Variants in CPN1 observed in about 807,000 individuals in gnomAD.
The protein encoded by CPN1 is carboxypeptidase N subunit 1.
Under a neutral mutation model 46.4 loss-of-function variants are expected in CPN1, and 37 were observed. The ratio of observed to expected loss-of-function variants is 0.80; its 90% CI spans 0.61 to 1.05. The LOEUF (loss-of-function observed/expected upper bound fraction) is 1.05, where lower values mean the gene tolerates loss of function less well. Ranked by LOEUF, CPN1 falls within the 50% of genes least tolerant of loss-of-function variation. CPN1 has a pLI of 0.00. For missense variants in CPN1, 563 were observed against 602.6 expected (o/e 0.93, Z 0.69); for synonymous variants, 224 against 235.4 (o/e 0.95, Z 0.44).
intron 7 of CPN1, among the ~76,000 whole-genome samples, chr10:100,050,825 T>TCAC (rs2041347622): frequency 6.6e-6 from 1 of 152,094 alleles, no homozygotes; most frequent in South Asian, 2.1e-4. Flanking sequence ...GAGATGGAGG[T>TCAC]CTTGCTATGT....
At position 100,065,381 on chromosome 10, in the gene CPN1, G is replaced by C. The variant is rs758036928; in HGVS notation, c.577-11C>G. Reference sequence around the variant, plus strand: ...GGTCTCGGGTTCCACCTGGGAGGAGGCGAGAGGTTGGCGGTGAAGGGCCAA... The same window carrying C: ...GGTCTCGGGTTCCACCTGGGAGGAGCCGAGAGGTTGGCGGTGAAGGGCCAA... On this transcript the variant is annotated splice_polypyrimidine_tract_variant and intron_variant, in intron 3 of 8. Coordinates refer to ENST00000370418, the MANE Select transcript of CPN1 (RefSeq NM_001308.3). The C allele has an allele frequency of 3.0e-5, 48 of 1,613,998 alleles. No individual in the cohort carries two copies. The highest frequency in any genetic ancestry group is 4.1e-5 in the Non-Finnish European group (48 of 1,180,016).
chr10:100,046,255 G>GC (rs2041311083), intron 8 of CPN1, among the ~76,000 whole-genome samples: 1 of 152,218 alleles, frequency 6.6e-6, no homozygotes, highest in Non-Finnish European at 1.5e-5. Context: ...AAGAATGCAA[G>GC]CCCGCTGCCT....
rs752085352 is a variant in CPN1 at position 100,075,984 on chromosome 10, T to G, written c.347A>C (p.Gln116Pro). The G allele has an allele frequency of 1.2e-6, 2 of 1,614,188 alleles. No homozygotes were observed. The highest frequency in any genetic ancestry group is 1.7e-6 in the Non-Finnish European group (2 of 1,180,044). Residue 116 changes from glutamine to proline, a missense_variant, in exon 2 of 9, where the codon CAG becomes CCG. By Grantham distance (76) the Gln-to-Pro change is moderately conservative (BLOSUM62 -1). Transcript: ENST00000370418. ...GTGAATGCGCGTGTCCTGGATGAGCTGGACGATGCGCTGGTTCCTGTTCCG... is the reference window on the plus strand; with the variant it reads ...GTGAATGCGCGTGTCCTGGATGAGCGGGACGATGCGCTGGTTCCTGTTCCG... Reference protein sequence around the residue: ...EFRNRNQRIVQLIQDTRIHIL... With the variant: ...EFRNRNQRIVPLIQDTRIHIL...
At chr10:100,060,561 A>G (rs2041410803) in intron 5 of CPN1, among the ~76,000 whole-genome samples, 1 of 151,282 alleles carries the variant, frequency 6.6e-6, no homozygotes, top group African/African-American at 2.4e-5. Flanking sequence ...CTCCAACTCA[A>G]AATAAATAAA....
chr10:100,069,066 C>T (rs1307143178), intron 3 of CPN1, among the ~76,000 whole-genome samples: 8 of 152,184 alleles, frequency 5.3e-5, no homozygotes, highest in Non-Finnish European at 1.2e-4. Flanking sequence ...GATAACACTG[C>T]TTGGTGCATT....
chr10:100,067,573 C>G (rs1328317498), intron 3 of CPN1, among the ~76,000 whole-genome samples: 1 of 152,224 alleles, frequency 6.6e-6, no homozygotes, highest in African/African-American at 2.4e-5. Context: ...CTTACACCTG[C>G]TTTGCTTTTC....
intron 2 of CPN1, among the ~76,000 whole-genome samples, chr10:100,074,965 G>A (rs1414986456): frequency 2.0e-5 from 3 of 152,034 alleles, no homozygotes; most frequent in Non-Finnish European, 2.9e-5. Flanking sequence ...TGTTAGGCAC[G>A]CTGACATTTT....
intron 6 of CPN1, among the ~76,000 whole-genome samples, chr10:100,055,637 G>A: frequency 6.6e-6 from 1 of 152,256 alleles, no homozygotes; most frequent in East Asian, 1.9e-4. Flanking sequence ...CGATTCTCCT[G>A]CCTCAGCCTC....
intron 2 of CPN1, among the ~76,000 whole-genome samples, chr10:100,074,271 G>T (rs1746462568): frequency 6.6e-6 from 1 of 152,170 alleles, no homozygotes; most frequent in Non-Finnish European, 1.5e-5. Context: ...TCTGGGCATG[G>T]CAGGTATCTC....
chr10:100,050,355 A>G (rs1479053775), intron 7 of CPN1, among the ~76,000 whole-genome samples: 1 of 128,112 alleles, frequency 7.8e-6, no homozygotes, highest in Non-Finnish European at 1.7e-5. Context: ...TTCTGTCTCA[A>G]ATAGAACAAA....
chr10:100,076,411 G>T (rs1337136531), intron 1 of CPN1, among the ~76,000 whole-genome samples: 5 of 152,166 alleles, frequency 3.3e-5, no homozygotes, highest in African/African-American at 9.7e-5. Flanking sequence ...TCAGGGTGAG[G>T]GTAATAAGGA....
rs781206816 is a variant in CPN1 at position 100,076,019 on chromosome 10, G to A, written c.312C>T (p.Cys104=). 2.9e-5 allele frequency: 47 copies of A among 1,614,042 alleles called. No homozygotes were observed. The highest frequency in any genetic ancestry group is 2.5e-4 in the East Asian group (11 of 44,894). The change falls in exon 2 of 9, where the codon TGC becomes TGT. Residue 104 remains cysteine, a synonymous_variant. Transcript: ENST00000370418. ...ELMLQLSEFL[C]EEFRNRNQRI... ...GCTGGTTCCTGTTCCGGAACTCCTC[G>A]CACAGAAACTCCGACAGCTGCAGCA... is the stretch of plus-strand genomic sequence containing the variant.
At chr10:100,054,829 TTTTC>T (rs1314407582) in intron 6 of CPN1, among the ~76,000 whole-genome samples, 3 of 148,418 alleles carry the variant, frequency 2.0e-5, no homozygotes, top group Admixed American at 6.9e-5. Context: ...CCTGGTTTTC[TTTTC>T]TTTCTTTCTT....
intron 8 of CPN1, among the ~76,000 whole-genome samples, 197 bp downstream of exon 8, chr10:100,048,561 G>GT (rs1394400438): frequency 6.6e-6 from 1 of 152,088 alleles, no homozygotes; most frequent in Non-Finnish European, 1.5e-5. Flanking sequence ...CGGGCATGGT[G>GT]GTGTGTGCTT....
At chr10:100,043,511 C>T (rs2041290773) in intron 8 of CPN1, among the ~76,000 whole-genome samples, 1 of 152,182 alleles carries the variant, frequency 6.6e-6, no homozygotes, top group Non-Finnish European at 1.5e-5. Flanking sequence ...TAACAATCTT[C>T]TTTATGCTGC....
At chr10:100,080,021 G>A (rs550554533) in intron 1 of CPN1, among the ~76,000 whole-genome samples, 116 of 152,088 alleles carry the variant, frequency 7.6e-4, no homozygotes, top group Non-Finnish European at 1.3e-3. Context: ...GGGAGGTGGA[G>A]GTTTCAGTGA....
Position 100,042,497 on chromosome 10 carries a change from C to G in CPN1, c.1307G>C (p.Arg436Thr). 2.5e-6 allele frequency: 4 copies of G among 1,613,964 alleles called. No individual in the cohort carries two copies. Among genetic ancestry groups the G allele is most frequent in the Non-Finnish European group, 3.4e-6 (4 of 1,180,024 alleles). The change falls in exon 9 of 9, where the codon AGA becomes ACA. Residue 436 changes from arginine (R) to threonine (T), a missense_variant. Transcript: ENST00000370418. ...TCTGGCTTGGGGCTGCACTTTGGCT[C>G]TGACTCCGTGCCTTCTGCTGGGAGC... ...RRAPSRRHGV[R>T]AKVQPQARKK... is the part of the protein sequence containing the mutation.
At chr10:100,049,085 A>G (rs1441151329) in intron 7 of CPN1, among the ~76,000 whole-genome samples, 7 of 151,898 alleles carry the variant, frequency 4.6e-5, no homozygotes, top group African/African-American at 1.5e-4. Context: ...CAGTCTCCCA[A>G]GTAGCTGGGA....
chr10:100,055,715 G>C (rs2133431898), intron 6 of CPN1, among the ~76,000 whole-genome samples: 1 of 152,172 alleles, frequency 6.6e-6, no homozygotes, highest in East Asian at 1.9e-4. Context: ...GTAAAGACAG[G>C]GTTTCTCCAT....
Sources: allele counts gnomAD v4.1 joint callset (sites outside exome capture counted in the v4.1 genomes callset), GRCh38; gene constraint gnomAD v4.1.1; transcripts MANE v1.5; gene names NCBI Gene and HGNC (gene_info 2026-07-23, HGNC 2026-07-21).